Variants in LINGO2 observed in about 807,000 individuals in gnomAD.
LINGO2 encodes leucine rich repeat and Ig domain containing 2, also known as leucine-rich repeat and immunoglobulin-like domain-containing nogo receptor-interacting protein 2.
LINGO2 carries 14 observed loss-of-function variants against 30.6 expected under a neutral mutation model. That is an observed-to-expected ratio of 0.46 (90% confidence interval 0.30 to 0.72). The LOEUF (loss-of-function observed/expected upper bound fraction) is 0.72, where lower values mean the gene tolerates loss of function less well. Among genes scored for constraint, LINGO2 ranks in the 30% least tolerant of loss-of-function variants. The pLI, the probability that LINGO2 is intolerant of heterozygous loss-of-function variation, is 0.07. For missense variants in LINGO2, 729 were observed against 751.7 expected (o/e 0.97, Z 0.35); for synonymous variants, 317 against 288.5 (o/e 1.10, Z -1.00).
At chr9:29,210,861 CA>C in the LINGO2 span, among the ~76,000 whole-genome samples, 1 of 152,144 alleles carries the variant, frequency 6.6e-6, no homozygotes, top group Non-Finnish European at 1.5e-5. Context: ...ACAGGAAGTA[CA>C]TTTTTTTTTC....
chr9:28,905,815 C>A, the LINGO2 span, among the ~76,000 whole-genome samples: 9 of 152,072 alleles, frequency 5.9e-5, no homozygotes, highest in Non-Finnish European at 8.8e-5. Context: ...TGGTAGACAT[C>A]CAAAGCATAT....
chr9:28,770,058 G>GA, the LINGO2 span, among the ~76,000 whole-genome samples: 1 of 151,986 alleles, frequency 6.6e-6, no homozygotes, highest in Non-Finnish European at 1.5e-5. Flanking sequence ...TATTTAGACA[G>GA]TTTTTCCCCT....
At chr9:29,203,247 T>A in the LINGO2 span, among the ~76,000 whole-genome samples, 1 of 152,066 alleles carries the variant, frequency 6.6e-6, no homozygotes, top group African/African-American at 2.4e-5. Flanking sequence ...AATGAGGTTT[T>A]AAGGAAAAAA....
the LINGO2 span, among the ~76,000 whole-genome samples, chr9:29,101,821 C>T: frequency 6.6e-6 from 1 of 152,100 alleles, no homozygotes; most frequent in Non-Finnish European, 1.5e-5. Flanking sequence ...TTGATGGACA[C>T]CTAGGTTGCT....
the LINGO2 span, among the ~76,000 whole-genome samples, chr9:28,932,498 G>A: frequency 6.6e-6 from 1 of 152,148 alleles, no homozygotes; most frequent in Non-Finnish European, 1.5e-5. Context: ...AAGACACTAT[G>A]CTAAGCGTGT....
the LINGO2 span, among the ~76,000 whole-genome samples, chr9:28,978,712 T>A: frequency 6.6e-6 from 1 of 152,026 alleles, no homozygotes; most frequent in East Asian, 1.9e-4. Flanking sequence ...CTTTTCTGCT[T>A]TAATCAATGC....
the LINGO2 span, among the ~76,000 whole-genome samples, chr9:29,166,331 C>T: frequency 4.6e-5 from 7 of 152,054 alleles, no homozygotes; most frequent in African/African-American, 1.2e-4. Flanking sequence ...AACTCCTACA[C>T]GTTTTACTTA....
At chr9:28,847,851 T>C in the LINGO2 span, among the ~76,000 whole-genome samples, 1 of 119,048 alleles carries the variant, frequency 8.4e-6, no homozygotes, top group Non-Finnish European at 1.7e-5. Context: ...TACACATATA[T>C]GTATATATAC....
chr9:28,753,195 C>G, the LINGO2 span, among the ~76,000 whole-genome samples: 1 of 151,940 alleles, frequency 6.6e-6, no homozygotes, highest in Non-Finnish European at 1.5e-5. Flanking sequence ...AGTGAGTGAC[C>G]GCAGAAGAAA....
intron 2 of LINGO2, among the ~76,000 whole-genome samples, chr9:28,458,943 C>T (rs1824963037): frequency 6.6e-6 from 1 of 150,924 alleles, no homozygotes; most frequent in Admixed American, 6.7e-5. Flanking sequence ...GATACAAGAA[C>T]AAGCTGTTAA....
chr9:29,046,476 G>A, the LINGO2 span, among the ~76,000 whole-genome samples: 1 of 152,022 alleles, frequency 6.6e-6, no homozygotes, highest in Non-Finnish European at 1.5e-5. Flanking sequence ...CTTTGAAAAA[G>A]CCAACAAAAA....
At chr9:28,200,348 A>G (rs34931608) in intron 4 of LINGO2, among the ~76,000 whole-genome samples, 12,246 of 151,866 alleles carry the variant, frequency 0.081, 680 homozygotes, top group Middle Eastern at 0.15. Context: ...CGTTTAGGGG[A>G]AAAAAAAGCC....
chr9:28,640,293 T>C (rs1588008493), intron 1 of LINGO2, among the ~76,000 whole-genome samples: 1 of 152,118 alleles, frequency 6.6e-6, no homozygotes. Context: ...CTGACAATTA[T>C]GTGTCTTGGA....
chr9:28,068,578 C>T (rs189083545), intron 4 of LINGO2, among the ~76,000 whole-genome samples: 57 of 152,186 alleles, frequency 3.7e-4, no homozygotes, highest in Non-Finnish European at 6.0e-4. Context: ...CAATAGTAAT[C>T]ATTACATACT....
the LINGO2 span, among the ~76,000 whole-genome samples, chr9:28,736,647 C>T: frequency 2.0e-5 from 3 of 151,950 alleles, no homozygotes; most frequent in Admixed American, 6.6e-5. Context: ...AAAAAATTAG[C>T]CGGGTGTGGT....
the LINGO2 span, among the ~76,000 whole-genome samples, chr9:28,837,682 T>TATATATATATATATATATA: frequency 8.5e-5 from 4 of 46,800 alleles, no homozygotes; most frequent in South Asian, 1.1e-3. Context: ...ATATATATAT[T>TATATATATATATATATATA]TAGGATAACA....
At chr9:28,701,043 A>G in the LINGO2 span, among the ~76,000 whole-genome samples, 1 of 151,642 alleles carries the variant, frequency 6.6e-6, no homozygotes, top group African/African-American at 2.4e-5. Flanking sequence ...TTCTTTGTGT[A>G]TTTTGGGTAA....
At chr9:27,948,909 C>T (rs1003199962) in exon 6 of LINGO2, 1 of 1,614,096 alleles carries the variant, frequency 6.2e-7, no homozygotes, top group Non-Finnish European at 8.5e-7. Flanking sequence ...CACAACAGCA[C>T]CATTGTTTTT....
the LINGO2 span, among the ~76,000 whole-genome samples, chr9:28,951,593 T>G: frequency 1.3e-5 from 2 of 152,080 alleles, no homozygotes; most frequent in African/African-American, 4.8e-5. Context: ...TCCTGAGAGC[T>G]CTTGAGTTTG....
Sources: gnomAD v4.1 joint callset for allele counts (sites outside exome capture counted in the v4.1 genomes callset) on GRCh38, gnomAD v4.1.1 for gene constraint, MANE v1.5 for transcripts, NCBI Gene and HGNC (gene_info 2026-07-23, HGNC 2026-07-21) for gene names.